TLN2: variants seen among roughly 807,000 people sequenced by gnomAD.
TLN2 encodes the protein talin 2, also known as talin-2.
TLN2 carries 118 observed loss-of-function variants against 294.7 expected under a neutral mutation model. The observed-to-expected ratio is 0.40, with a 90% CI of 0.34 to 0.47. The LOEUF (loss-of-function observed/expected upper bound fraction) is 0.47, where lower values mean the gene tolerates loss of function less well. Ranked by LOEUF, TLN2 falls within the 20% of genes least tolerant of loss-of-function variation. TLN2 has a pLI of 0.84. For missense variants in TLN2, 3,083 were observed against 3,282.2 expected (o/e 0.94, Z 1.48); for synonymous variants, 1,431 against 1,304.5 (o/e 1.10, Z -2.09).
At chr15:62,630,085 A>C (rs1329303482) in intron 3 of TLN2, among the ~76,000 whole-genome samples, 1 of 151,970 alleles carries the variant, frequency 6.6e-6, no homozygotes, top group Non-Finnish European at 1.5e-5. Context: ...GATCATTAGT[A>C]ACACTGTAAA....
chr15:62,600,844 AATAG>A (rs764090756), intron 2 of TLN2, among the ~76,000 whole-genome samples: 2 of 152,342 alleles, frequency 1.3e-5, no homozygotes, highest in South Asian at 2.1e-4. Flanking sequence ...ATATGTGTCA[AATAG>A]ATAGAACTTA....
At chr15:62,703,511 GTT>G (rs1211154835) in intron 19 of TLN2, among the ~76,000 whole-genome samples, 2 of 151,894 alleles carry the variant, frequency 1.3e-5, no homozygotes, top group Non-Finnish European at 2.9e-5. Flanking sequence ...GTGATCATTA[GTT>G]CCTGGCCAGT....
At chr15:62,519,727 A>G (rs2040363838) in intron 1 of TLN2, among the ~76,000 whole-genome samples, 1 of 152,238 alleles carries the variant, frequency 6.6e-6, no homozygotes. Flanking sequence ...TGAGGACTAT[A>G]AAATTGGCTA....
In TLN2 at chr15:62,800,730, G is replaced by A. The variant is rs769514789; in HGVS notation, c.6438G>A (p.Ala2146=). Residue 2146 remains alanine, a synonymous_variant, in exon 50 of 59, where the codon GCG becomes GCA. Coordinates refer to ENST00000636159, the MANE Select transcript of TLN2 (RefSeq NM_015059.3). ...ATGAGGCCACCCGGGGCACCAGGGC[G>A]CTTGAGGCCACAATTGAATGCATAA... ...VEDEATRGTR[A]LEATIECIKQ... 9.9e-6 allele frequency: 16 copies of A among 1,613,438 alleles called. No individual in the cohort carries two copies. In the East Asian group the frequency reaches 2.4e-4, roughly 25 times the overall value.
chr15:62,703,511 G>A (rs544303298), intron 19 of TLN2, among the ~76,000 whole-genome samples: 3 of 152,012 alleles, frequency 2.0e-5, no homozygotes, highest in Middle Eastern at 3.4e-3. Context: ...GTGATCATTA[G>A]TTCCTGGCCA....
intron 19 of TLN2, among the ~76,000 whole-genome samples, chr15:62,706,214 C>T (rs1184712378): frequency 2.6e-5 from 1 of 39,028 alleles, no homozygotes; most frequent in African/African-American, 3.5e-5. Context: ...ATTTCCAAGT[C>T]AAATAAACTA....
At chr15:62,761,998 G>A (rs1407028520) in intron 38 of TLN2, among the ~76,000 whole-genome samples, 177 bp downstream of exon 38, 2 of 152,196 alleles carry the variant, frequency 1.3e-5, no homozygotes, top group Non-Finnish European at 2.9e-5. Flanking sequence ...CCTCTGTTGA[G>A]AGATAACATA....
At chr15:62,514,082 T>C (rs1484195589) in intron 1 of TLN2, among the ~76,000 whole-genome samples, 1 of 152,262 alleles carries the variant, frequency 6.6e-6, no homozygotes, top group East Asian at 1.9e-4. Context: ...TTGCATAATA[T>C]ATGCGCACAG....
intron 10 of TLN2, 112 bp downstream of exon 10, chr15:62,674,002 T>C (rs2055821395): frequency 3.0e-6 from 2 of 671,764 alleles, no homozygotes; most frequent in Admixed American, 2.8e-5. Flanking sequence ...TACTCTGATA[T>C]AATAAATGAT....
chr15:62,764,501 C>CA (rs1378922018), intron 40 of TLN2, among the ~76,000 whole-genome samples: 2 of 151,814 alleles, frequency 1.3e-5, no homozygotes, highest in African/African-American at 2.4e-5. Flanking sequence ...CTCCTATTTC[C>CA]AAAAAAAGAA....
At chr15:62,485,983 T>G (rs1472067983) in intron 1 of TLN2, among the ~76,000 whole-genome samples, 1 of 151,272 alleles carries the variant, frequency 6.6e-6, no homozygotes, top group African/African-American at 2.4e-5. Flanking sequence ...TTTAAAAGAC[T>G]TTAAAATGAT....
At chr15:62,401,999 A>G (rs931320406) in intron 1 of TLN2, among the ~76,000 whole-genome samples, 4 of 152,144 alleles carry the variant, frequency 2.6e-5, no homozygotes, top group Admixed American at 1.3e-4. Flanking sequence ...CCACACAACA[A>G]AGAATTATGC....
At position 62,800,729 on chromosome 15, in the gene TLN2, C is replaced by T. The variant is rs748387093; in HGVS notation, c.6437C>T (p.Ala2146Val). 17 of 1,613,478 alleles carry T rather than the reference C, an allele frequency of 1.1e-5. No homozygotes were observed. The highest frequency in any genetic ancestry group is 6.7e-5 in the Admixed American group (4 of 59,926). Residue 2146 changes from alanine (A) to valine (V), a missense_variant, in exon 50 of 59, where the codon GCG becomes GTG. Physicochemically the swap from Ala to Val is moderately conservative, Grantham distance 64 (BLOSUM62 0). Transcript: ENST00000636159. ...GATGAGGCCACCCGGGGCACCAGGG[C>T]GCTTGAGGCCACAATTGAATGCATA... ...VEDEATRGTR[A>V]LEATIECIKQ...
At chr15:62,771,208 T>A in intron 42 of TLN2, 74 bp downstream of exon 42, 1 of 1,426,622 alleles carries the variant, frequency 7.0e-7, no homozygotes, top group Non-Finnish European at 9.3e-7. Flanking sequence ...TAATGTGTCC[T>A]TCCAGGAGAA....
chr15:62,575,875 A>G (rs2044349249), intron 1 of TLN2, among the ~76,000 whole-genome samples: 1 of 152,266 alleles, frequency 6.6e-6, no homozygotes, highest in African/African-American at 2.4e-5. Context: ...GCCTTGCGGT[A>G]GAATCATGGA....
chr15:62,542,665 G>C (rs376770820), intron 1 of TLN2, among the ~76,000 whole-genome samples: 1 of 152,110 alleles, frequency 6.6e-6, no homozygotes, highest in East Asian at 1.9e-4. Context: ...CAACCATGGG[G>C]TGTGTTTCAG....
chr15:62,783,674 C>A, intron 44 of TLN2, 97 bp from the exon 45 acceptor site: 1 of 1,463,324 alleles, frequency 6.8e-7, no homozygotes, highest in Non-Finnish European at 9.1e-7. Context: ...TGAATGAAAC[C>A]CTTTGGCTTC....
At chr15:62,416,476 C>T (rs933460639) in intron 1 of TLN2, among the ~76,000 whole-genome samples, 1 of 152,114 alleles carries the variant, frequency 6.6e-6, no homozygotes, top group Non-Finnish European at 1.5e-5. Context: ...AGAAATATTG[C>T]TCTTTTGTGT....
chr15:62,611,431 G>A (rs1018379808), intron 2 of TLN2, among the ~76,000 whole-genome samples: 2 of 152,204 alleles, frequency 1.3e-5, no homozygotes, highest in Non-Finnish European at 2.9e-5. Flanking sequence ...TCCCTTGATA[G>A]ACAGTAGTCC....
Sources: gnomAD v4.1 joint callset for allele counts (sites outside exome capture counted in the v4.1 genomes callset) on GRCh38, gnomAD v4.1.1 for gene constraint, MANE v1.5 for transcripts, NCBI Gene and HGNC (gene_info 2026-07-23, HGNC 2026-07-21) for gene names.